Variants in FGD4 observed in about 807,000 individuals in gnomAD.
FGD4 encodes FYVE, RhoGEF and PH domain containing 4, also known as FYVE, RhoGEF and PH domain-containing protein 4.
Under a neutral mutation model 102.0 loss-of-function variants are expected in FGD4, and 42 were observed. The observed-to-expected ratio is 0.41, with a 90% CI of 0.32 to 0.53. The LOEUF is 0.53. FGD4 is among the 20% of genes least tolerant of loss of function. The pLI is 0.21. For missense variants in FGD4, 902 were observed against 1,078.2 expected, an observed-to-expected ratio of 0.84 and a Z score of 2.29; for synonymous variants, 380 against 375.7, an observed-to-expected ratio of 1.01 and a Z score of -0.13.
chr12:32,459,954 C>T (rs1943059062), intron 1 of FGD4, among the ~76,000 whole-genome samples: 1 of 152,064 alleles, frequency 6.6e-6, no homozygotes, highest in South Asian at 2.1e-4. Flanking sequence ...GATCCCCCCA[C>T]CTCAGCCTCC....
intron 15 of FGD4, chr12:32,637,733 G>A (rs1285085926): frequency 1.3e-5 from 2 of 152,266 alleles, no homozygotes; most frequent in Non-Finnish European, 2.9e-5. Context: ...GCAAGCGAGA[G>A]TGAGCAAGTG....
chr12:32,625,565 G>A (rs1233686847), intron 13 of FGD4, 89 bp from the exon 14 acceptor site: 1 of 1,464,718 alleles, frequency 6.8e-7, no homozygotes, highest in African/African-American at 1.4e-5. Flanking sequence ...CATGGTTTGA[G>A]CAATGTAGTT....
intron 1 of FGD4, among the ~76,000 whole-genome samples, chr12:32,504,339 G>A (rs1938497610): frequency 6.6e-6 from 1 of 152,154 alleles, no homozygotes. Flanking sequence ...CTACGGGACA[G>A]GAGTGCATGG....
At chr12:32,583,965 G>GA (rs1372102992) in intron 4 of FGD4, among the ~76,000 whole-genome samples, 3 of 152,298 alleles carry the variant, frequency 2.0e-5, no homozygotes, top group Non-Finnish European at 4.4e-5. Context: ...TTCTTACAAA[G>GA]AAAAATATTC....
intron 1 of FGD4, among the ~76,000 whole-genome samples, chr12:32,437,543 T>A (rs1942275471): frequency 6.6e-6 from 1 of 152,258 alleles, no homozygotes; most frequent in African/African-American, 2.4e-5. Flanking sequence ...AGAGCTTCAC[T>A]ACACGGATAT....
At chr12:32,548,816 C>T in intron 1 of FGD4, among the ~76,000 whole-genome samples, 1 of 152,154 alleles carries the variant, frequency 6.6e-6, no homozygotes, top group African/African-American at 2.4e-5. Flanking sequence ...CATGCAGCCT[C>T]AAGGCTGGGA....
chr12:32,516,085 A>G (rs941373617), intron 1 of FGD4, among the ~76,000 whole-genome samples: 6 of 152,198 alleles, frequency 3.9e-5, no homozygotes, highest in Middle Eastern at 3.2e-3. Flanking sequence ...CTCAGAAACC[A>G]GGAGAAAAAT....
chr12:32,483,628 C>T (rs570816752), intron 1 of FGD4, among the ~76,000 whole-genome samples: 2 of 152,296 alleles, frequency 1.3e-5, no homozygotes, highest in African/African-American at 4.8e-5. Flanking sequence ...TAGCCCATAA[C>T]TCATTGGCAT....
chr12:32,616,452 C>G (rs909298071), intron 10 of FGD4, among the ~76,000 whole-genome samples: 1 of 152,178 alleles, frequency 6.6e-6, no homozygotes, highest in African/African-American at 2.4e-5. Flanking sequence ...CACATTTATT[C>G]TTTGAAGACC....
At chr12:32,528,427 C>T (rs967155114) in intron 1 of FGD4, among the ~76,000 whole-genome samples, 3 of 152,070 alleles carry the variant, frequency 2.0e-5, no homozygotes, top group South Asian at 2.1e-4. Context: ...CTCGCTCTGT[C>T]GCCCAGGCTG....
intron 1 of FGD4, among the ~76,000 whole-genome samples, chr12:32,411,491 G>A (rs562131219): frequency 2.6e-4 from 39 of 152,028 alleles, no homozygotes; most frequent in South Asian, 1.2e-3. Flanking sequence ...GCGAGATCGC[G>A]CCGCCACACT....
chr12:32,434,518 G>A (rs575939087), intron 1 of FGD4, among the ~76,000 whole-genome samples: 2 of 152,256 alleles, frequency 1.3e-5, no homozygotes, highest in South Asian at 4.1e-4. Context: ...TCATTTCTTA[G>A]CTCCTTAGAA....
intron 1 of FGD4, among the ~76,000 whole-genome samples, chr12:32,551,380 T>C (rs1348839120): frequency 6.6e-6 from 1 of 152,236 alleles, no homozygotes; most frequent in African/African-American, 2.4e-5. Flanking sequence ...GCTACTGTTG[T>C]AGTATGCTCA....
At position 32,598,555 on chromosome 12, in the gene FGD4, C is replaced by T; in HGVS notation, c.1070C>T (p.Ala357Val). 1 of 1,613,686 alleles carries T rather than the reference C, an allele frequency of 6.2e-7. No homozygotes were observed. The highest frequency in any genetic ancestry group is 8.5e-7 in the Non-Finnish European group (1 of 1,179,866). The change falls in exon 5 of 17, where the codon GCT becomes GTT. Residue 357 changes from alanine to valine, a missense_variant. Ala to Val is a moderately conservative substitution (Grantham distance 64). Coordinates refer to ENST00000534526, the MANE Select transcript of FGD4 (RefSeq NM_001370298.3). The part of the protein sequence containing the change: ...IANELLLTER[A>V]YVNRLDLLDQ... The stretch of plus-strand genomic sequence containing the variant: ...AATGAACTTTTGCTTACTGAAAGAG[C>T]TTATGTCAACCGACTTGACCTCTTA...
intron 1 of FGD4, among the ~76,000 whole-genome samples, chr12:32,551,672 T>C (rs376159838): frequency 4.6e-5 from 7 of 152,320 alleles, no homozygotes; most frequent in Admixed American, 6.5e-5. Context: ...ATGTCATGCT[T>C]TTAGGGATCA....
In FGD4 at chr12:32,640,588, T is replaced by C; in HGVS notation, c.*55T>C. On this transcript the variant is annotated 3_prime_UTR_variant, in exon 17 of 17. Coordinates refer to ENST00000534526, the MANE Select transcript of FGD4 (RefSeq NM_001370298.3). ...GTCTCAGGACTTACAGCTCAAGACA[T>C]TCCCAGCTCTTCTTACACATCTGCT... is the stretch of plus-strand genomic sequence containing the variant. The C allele has an allele frequency of 1.2e-6, 2 of 1,611,186 alleles. No individual in the cohort carries two copies. The highest frequency in any genetic ancestry group is 1.7e-6 in the Non-Finnish European group (2 of 1,179,344).
chr12:32,585,238 ATATATATATATATATATATG>A (rs1298014308), intron 4 of FGD4, among the ~76,000 whole-genome samples: 1 of 114,826 alleles, frequency 8.7e-6, no homozygotes, highest in East Asian at 2.3e-4. Flanking sequence ...ATATATATAT[ATATATATATATATATATATG>A]TATATCTTAA....
intron 6 of FGD4, 137 bp downstream of exon 6, chr12:32,601,560 G>A (rs915102266): frequency 3.4e-5 from 36 of 1,066,682 alleles, no homozygotes; most frequent in African/African-American, 4.8e-5. Context: ...ACTACTGATA[G>A]AAGTTGTGGT....
At chr12:32,400,388 T>C (rs1321566109) in intron 1 of FGD4, among the ~76,000 whole-genome samples, 1 of 152,160 alleles carries the variant, frequency 6.6e-6, no homozygotes, top group Non-Finnish European at 1.5e-5. Flanking sequence ...CTAGGTGTGG[T>C]GAGCAACCTT....
Sources: allele counts gnomAD v4.1 joint callset (sites outside exome capture counted in the v4.1 genomes callset), GRCh38; gene constraint gnomAD v4.1.1; transcripts MANE v1.5; gene names NCBI Gene and HGNC (gene_info 2026-07-23, HGNC 2026-07-21).